CSF1R: variants seen among roughly 807,000 people sequenced by gnomAD.
CSF1R encodes macrophage colony-stimulating factor 1 receptor.
CSF1R carries 40 observed loss-of-function variants against 110.0 expected under a neutral mutation model. The ratio of observed to expected loss-of-function variants is 0.36; its 90% CI spans 0.28 to 0.47. The LOEUF (loss-of-function observed/expected upper bound fraction) is 0.47. Ranked by LOEUF, CSF1R falls within the 20% of genes least tolerant of loss-of-function variation. CSF1R has a pLI of 0.99. For synonymous variants in CSF1R, 523 were observed against 503.4 expected (o/e 1.04, Z -0.52); for missense variants, 1,052 against 1,253.0 (o/e 0.84, Z 2.42).
At chr5:150,073,154 A>C in intron 6 of CSF1R, 147 bp downstream of exon 6, 6 of 718,140 alleles carry the variant, frequency 8.4e-6, no homozygotes, top group Non-Finnish European at 1.4e-5. Flanking sequence ...GATTCCATGA[A>C]GTCAGGGAAA....
Position 150,081,039 on chromosome 5 carries a change from G to T in CSF1R, c.50-15C>A, listed in dbSNP as rs1389184335. 1 of 1,613,362 alleles carries T rather than the reference G, an allele frequency of 6.2e-7. No individual in the cohort carries two copies. The highest frequency in any genetic ancestry group is 1.3e-5 in the African/African-American group (1 of 74,902). On this transcript the variant is annotated splice_polypyrimidine_tract_variant and intron_variant, in intron 1 of 20. Transcript: ENST00000675795. ...GATTCCCTGACCTGGTGGGAGAGAG[G>T]GACAGCAGACAGAAGTGAGGTCTAG... is the stretch of plus-strand genomic sequence containing the variant.
rs550813314 is a variant in CSF1R, at chr5:150,092,965, C to T, written c.-180-6358G>A. Among the ~76,000 whole-genome samples the T allele has an allele frequency of 1.1e-4, 16 of 152,250 alleles. 1 individual carries two copies. Among genetic ancestry groups the T allele is most frequent in the African/African-American group, 3.9e-4 (16 of 41,522 alleles). On this transcript the variant is annotated intron_variant, in intron 1 of 21. Transcript: ENST00000286301. ...CTCAAAGTACCTTCATATTTTTGGA[C>T]ATGGATTGATCACAAGTAACTGAAA...
chr5:150,099,483 T>A (rs1197981536), intron 1 of CSF1R, among the ~76,000 whole-genome samples: 3 of 152,196 alleles, frequency 2.0e-5, no homozygotes, highest in Non-Finnish European at 2.9e-5. Context: ...AACTCAAATG[T>A]CCCTTAGCTG....
upstream of CSF1R, among the ~76,000 whole-genome samples, chr5:150,088,297 T>C (rs555828684): frequency 8.8e-4 from 134 of 152,020 alleles, 1 homozygote; most frequent in Admixed American, 2.9e-3. Context: ...ATCAAAAACC[T>C]CCCGACAAAG....
At chr5:150,104,260 G>A (rs940431789) in intron 1 of CSF1R, among the ~76,000 whole-genome samples, 2 of 152,248 alleles carry the variant, frequency 1.3e-5, no homozygotes, top group African/African-American at 2.4e-5. Flanking sequence ...TGGAGGAGGG[G>A]TATAACCAGC....
intron 1 of CSF1R, among the ~76,000 whole-genome samples, chr5:150,101,408 A>G (rs1203109761): frequency 6.6e-6 from 1 of 152,322 alleles, no homozygotes; most frequent in East Asian, 1.9e-4. Flanking sequence ...GGTATATGTC[A>G]CTGCAGCTTT....
Position 150,061,816 on chromosome 5 carries a change from CGAT to C in CSF1R, c.1657_1659del (p.Ile553del), listed in dbSNP as rs1561914111. 6.2e-7 allele frequency: 1 copy of C among 1,614,170 alleles called. No individual in the cohort carries two copies. On this transcript the variant is annotated inframe_deletion, in exon 11 of 21. Coordinates refer to ENST00000675795, the MANE Select transcript of CSF1R (RefSeq NM_001288705.3). ...GTATAACTGTTGCCCTCATAGCTCT[CGAT>C]GATCTTCCAGCGGACCTGGTACTTG...
At chr5:150,095,110 T>C (rs1267222640) in intron 1 of CSF1R, 15 of 341,914 alleles carry the variant, frequency 4.4e-5, no homozygotes, top group African/African-American at 1.4e-4. Context: ...GCTCTCAAAT[T>C]GGAAAAAAAA....
chr5:150,092,434 G>T (rs976219234), intron 1 of CSF1R, among the ~76,000 whole-genome samples: 1 of 152,000 alleles, frequency 6.6e-6, no homozygotes, highest in African/African-American at 2.4e-5. Context: ...TATATGCCAT[G>T]TTTTTTTCCT....
intron 9 of CSF1R, among the ~76,000 whole-genome samples, chr5:150,068,875 A>G (rs1204931153): frequency 6.6e-6 from 1 of 152,184 alleles, no homozygotes; most frequent in Non-Finnish European, 1.5e-5. Flanking sequence ...GATGTTTTGG[A>G]GAACATAATT....
At chr5:150,087,305 G>A (rs1194577500), upstream of CSF1R, among the ~76,000 whole-genome samples, 1 of 152,232 alleles carries the variant, frequency 6.6e-6, no homozygotes, top group African/African-American at 2.4e-5. Flanking sequence ...TGGTCTGGGA[G>A]AGCCTGATAA....
intron 3 of CSF1R, among the ~76,000 whole-genome samples, 177 bp downstream of exon 3, chr5:150,079,875 G>A (rs573191311): frequency 1.1e-3 from 161 of 152,210 alleles, no homozygotes; most frequent in African/African-American, 3.6e-3. Flanking sequence ...TCCCTGCCCC[G>A]ACACCTTGTC....
chr5:150,054,185 T>TGCCACC lies in CSF1R; in HGVS notation c.2797_2802dup (p.Gly933_Gly934dup), dbSNP rs749808198. The TGCCACC allele has an allele frequency of 1.1e-5, 18 of 1,611,982 alleles. No individual in the cohort carries two copies. Among genetic ancestry groups the TGCCACC allele is most frequent in the African/African-American group, 1.3e-5 (1 of 74,850 alleles). ...TCCAGCTCACTGCTGCTGCTGCCGC[T>TGCCACC]GCCACCGCTTCTGCTGCTGCTCGGC... On this transcript the variant is annotated inframe_insertion, in exon 21 of 21. Coordinates refer to ENST00000675795, the MANE Select transcript of CSF1R (RefSeq NM_001288705.3).
intron 1 of CSF1R, among the ~76,000 whole-genome samples, chr5:150,084,789 T>G (rs1239662956): frequency 3.3e-5 from 5 of 152,060 alleles, no homozygotes. Context: ...AAAATTAAAT[T>G]GAGACCTGGC....
In CSF1R at chr5:150,070,297, G is replaced by T; in HGVS notation, c.1204C>A (p.Pro402Thr). 1 of 1,613,794 alleles carries T rather than the reference G, an allele frequency of 6.2e-7. No individual in the cohort carries two copies. The highest frequency in any genetic ancestry group is 8.5e-7 in the Non-Finnish European group (1 of 1,179,842). The change falls in exon 8 of 21, where the codon CCA (proline) becomes ACA (threonine). Residue 402 changes from proline to threonine, a missense_variant. Transcript: ENST00000675795. ...AATGTCCATATGACGCTTACCTCTG[G>T]GGGGTCTGAGGAAGAAAGGAGGAGG... ...LTFELTLRYP[P>T]EVSVIWTFIN...
intron 1 of CSF1R, among the ~76,000 whole-genome samples, chr5:150,111,121 A>G (rs901197191): frequency 1.3e-5 from 2 of 152,208 alleles, no homozygotes; most frequent in African/African-American, 4.8e-5. Context: ...CATTATAACT[A>G]AAATAAAAGG....
At chr5:150,107,598 G>A (rs1454879669) in intron 1 of CSF1R, among the ~76,000 whole-genome samples, 1 of 152,224 alleles carries the variant, frequency 6.6e-6, no homozygotes, top group African/African-American at 2.4e-5. Context: ...TGGCAGAGCT[G>A]GGTTTTAAAC....
At chr5:150,061,927 A>AG in intron 10 of CSF1R, 78 bp from the exon 11 acceptor site, 4 of 1,601,878 alleles carry the variant, frequency 2.5e-6, no homozygotes, top group Non-Finnish European at 2.6e-6. Flanking sequence ...CCCCAAGAGC[A>AG]GGGGTGTGGG....
At chr5:150,106,763 C>G (rs1194457235) in intron 1 of CSF1R, among the ~76,000 whole-genome samples, 3 of 152,202 alleles carry the variant, frequency 2.0e-5, no homozygotes, top group Non-Finnish European at 4.4e-5. Flanking sequence ...GTACTGAACA[C>G]TTGCAGCTCC....
Sources: allele counts gnomAD v4.1 joint callset (sites outside exome capture counted in the v4.1 genomes callset), GRCh38; gene constraint gnomAD v4.1.1; transcripts MANE v1.5; gene names NCBI Gene and HGNC (gene_info 2026-07-23, HGNC 2026-07-21).